Variants in DCC observed in about 807,000 individuals in gnomAD.
DCC encodes DCC netrin 1 receptor, also known as netrin receptor DCC.
A neutral mutation model predicts 172.5 loss-of-function variants in DCC; 58 were observed. That is an observed-to-expected ratio of 0.34 (90% CI 0.27 to 0.42). The LOEUF is 0.42. Among genes scored for constraint, DCC ranks in the 10% least tolerant of loss-of-function variants. The pLI is 1.00. For missense variants in DCC, 1,740 were observed against 1,791.0 expected (o/e 0.97, Z 0.51); for synonymous variants, 709 against 644.5 (o/e 1.10, Z -1.52).
Position 52,986,784 on chromosome 18 carries a change from C to CAT in DCC, c.985+61422_985+61423dup, listed in dbSNP as rs966089766. Among the ~76,000 whole-genome samples, 15 of 150,982 alleles carry CAT rather than the reference C, an allele frequency of 9.9e-5. No individual in the cohort carries two copies. The South Asian group carries it at 2.5e-3, about 25-fold the overall frequency. On this transcript the variant is annotated intron_variant, in intron 5 of 28. Transcript: ENST00000442544. ...TAGTATATATATACACATACATATG[C>CAT]ATATATATACACACACGTGTAGTAT...
chr18:52,552,059 T>A (rs533403530), intron 1 of DCC, among the ~76,000 whole-genome samples: 1 of 152,172 alleles, frequency 6.6e-6, no homozygotes, highest in Non-Finnish European at 1.5e-5. Context: ...GAGAAATAAA[T>A]CATTGAAACA....
chr18:53,431,677 G>T (rs781119275), intron 21 of DCC, among the ~76,000 whole-genome samples: 2 of 152,038 alleles, frequency 1.3e-5, no homozygotes, highest in African/African-American at 4.8e-5. Context: ...TAGAGACGAG[G>T]TTTTGCCATG....
intron 1 of DCC, among the ~76,000 whole-genome samples, chr18:52,751,518 A>T (rs905697827): frequency 2.0e-5 from 3 of 152,078 alleles, no homozygotes; most frequent in Non-Finnish European, 4.4e-5. Flanking sequence ...TGCCAGTGGG[A>T]TTTACCTATT....
chr18:53,171,140 C>G (rs552903781), intron 8 of DCC, among the ~76,000 whole-genome samples: 17 of 152,306 alleles, frequency 1.1e-4, no homozygotes, highest in Middle Eastern at 3.4e-3. Context: ...CTGCCTCGGC[C>G]TCCCAAAGTG....
intron 5 of DCC, among the ~76,000 whole-genome samples, chr18:53,052,181 C>T (rs1006929650): frequency 6.6e-6 from 1 of 151,960 alleles, no homozygotes; most frequent in Admixed American, 6.6e-5. Context: ...GTCCTTGATT[C>T]ATTTCCTTAG....
At chr18:52,458,375 C>A (rs1490039479) in intron 1 of DCC, among the ~76,000 whole-genome samples, 1 of 152,044 alleles carries the variant, frequency 6.6e-6, no homozygotes, top group African/African-American at 2.4e-5. Flanking sequence ...CCCCTGACTG[C>A]GTGTCTTAGG....
chr18:52,418,025 T>C (rs902133476), intron 1 of DCC, among the ~76,000 whole-genome samples: 2 of 152,182 alleles, frequency 1.3e-5, no homozygotes, highest in African/African-American at 2.4e-5. Context: ...GGAAAATTGA[T>C]TGAGGAAGAT....
intron 1 of DCC, among the ~76,000 whole-genome samples, chr18:52,386,192 CA>C (rs1211444766): frequency 2.0e-5 from 3 of 152,052 alleles, no homozygotes; most frequent in Admixed American, 2.0e-4. Flanking sequence ...AAACAGCATC[CA>C]AATCCAAATC....
Position 52,597,596 on chromosome 18 carries a change from A to G in DCC, c.92-154458A>G, listed in dbSNP as rs535849506. ...AAGGCAAGGAATTATTAGAGACCAA[A>G]CCCTTGGCATCGGGTGCCAAAAAGA... is the stretch of plus-strand genomic sequence containing the variant. On this transcript the variant is annotated intron_variant, in intron 1 of 28. Transcript: ENST00000442544. 5.9e-5 allele frequency among the ~76,000 whole-genome samples: 9 copies of G among 152,340 alleles called. No homozygotes were observed. In the South Asian group the frequency reaches 1.9e-3, roughly 32 times the overall value.
At chr18:52,622,488 T>A (rs1322510821) in intron 1 of DCC, among the ~76,000 whole-genome samples, 2 of 152,204 alleles carry the variant, frequency 1.3e-5, no homozygotes, top group African/African-American at 4.8e-5. Context: ...AGGTTCCAAC[T>A]ATGAGGACAA....
chr18:53,423,210 C>T (rs1910732925), intron 21 of DCC, among the ~76,000 whole-genome samples: 1 of 152,144 alleles, frequency 6.6e-6, no homozygotes, highest in African/African-American at 2.4e-5. Context: ...AAATAAAATT[C>T]CATAAACAGG....
intron 7 of DCC, among the ~76,000 whole-genome samples, chr18:53,119,241 A>G (rs1416119498): frequency 6.6e-6 from 1 of 151,840 alleles, no homozygotes; most frequent in Non-Finnish European, 1.5e-5. Context: ...TATCTCTGCT[A>G]TAAGTCCAGT....
intron 2 of DCC, among the ~76,000 whole-genome samples, chr18:52,777,464 C>T (rs189562966): frequency 1.3e-5 from 2 of 151,392 alleles, no homozygotes; most frequent in East Asian, 3.9e-4. Context: ...CTCAAAATTC[C>T]CATCTGTGTG....
At position 52,582,871 on chromosome 18, in the gene DCC, T is replaced by TC. The variant is rs2033584900; in HGVS notation, c.92-169182dup. Among the ~76,000 whole-genome samples the TC allele has an allele frequency of 2.0e-5, 3 of 152,308 alleles. No homozygotes were observed. The South Asian group carries it at 6.2e-4, about 32-fold the overall frequency. On this transcript the variant is annotated intron_variant, in intron 1 of 28. Coordinates refer to ENST00000442544, the MANE Select transcript of DCC (RefSeq NM_005215.4). ...AGAGAAGAAAATGACAACTTTTTTT[T>TC]CTGGTGTCTTTGACAGTTTAATAAC...
intron 19 of DCC, among the ~76,000 whole-genome samples, chr18:53,407,528 GATAT>G (rs74180422): frequency 0.12 from 14,533 of 117,364 alleles, 2,611 homozygotes; most frequent in African/African-American, 0.39. Flanking sequence ...TTTTATTCTG[GATAT>G]ATATATATAT....
chr18:53,455,313 T>C (rs1407737636), intron 23 of DCC, among the ~76,000 whole-genome samples: 1 of 152,190 alleles, frequency 6.6e-6, no homozygotes, highest in Non-Finnish European at 1.5e-5. Context: ...AGTGGAAATT[T>C]AATAATTTAT....
intron 1 of DCC, among the ~76,000 whole-genome samples, chr18:52,571,924 C>A (rs988826526): frequency 1.3e-5 from 2 of 152,072 alleles, no homozygotes; most frequent in African/African-American, 2.4e-5. Context: ...AAGTGGCATG[C>A]GCTGAGTTTG....
At chr18:52,556,458 T>C (rs2032917994) in intron 1 of DCC, among the ~76,000 whole-genome samples, 2 of 152,044 alleles carry the variant, frequency 1.3e-5, no homozygotes, top group Non-Finnish European at 2.9e-5. Flanking sequence ...AGAACAAACT[T>C]GGTAAATAGA....
chr18:53,148,779 C>T (rs1413158211), intron 7 of DCC, among the ~76,000 whole-genome samples: 2 of 151,658 alleles, frequency 1.3e-5, no homozygotes, highest in African/African-American at 4.9e-5. Flanking sequence ...CAAGTGACGA[C>T]GTACTTTCCT....
Sources: gnomAD v4.1 joint callset for allele counts (sites outside exome capture counted in the v4.1 genomes callset) on GRCh38, gnomAD v4.1.1 for gene constraint, MANE v1.5 for transcripts, NCBI Gene and HGNC (gene_info 2026-07-23, HGNC 2026-07-21) for gene names.